NELL2: variants seen among roughly 807,000 people sequenced by gnomAD.
The protein encoded by NELL2 is neural EGFL like 2, also known as protein kinase C-binding protein NELL2.
NELL2 carries 41 observed loss-of-function variants against 109.6 expected under a neutral mutation model. The ratio of observed to expected loss-of-function variants is 0.37; its 90% CI spans 0.29 to 0.49. The LOEUF (loss-of-function observed/expected upper bound fraction) is 0.49. NELL2 is among the 20% of genes least tolerant of loss of function. The pLI is 0.98. For missense variants in NELL2, 900 were observed against 1,008.3 expected (o/e 0.89, Z 1.45); for synonymous variants, 355 against 344.7 (o/e 1.03, Z -0.33).
intron 15 of NELL2, among the ~76,000 whole-genome samples, chr12:44,538,197 C>G (rs1163596228): frequency 1.3e-5 from 2 of 152,146 alleles, no homozygotes; most frequent in Admixed American, 1.3e-4. Context: ...GGTAGGCTGC[C>G]TTTCAAGATC....
chr12:44,637,494 G>T (rs569000671), intron 13 of NELL2, among the ~76,000 whole-genome samples: 8 of 138,758 alleles, frequency 5.8e-5, no homozygotes, highest in African/African-American at 2.1e-4. Context: ...GAAAGAAAAA[G>T]TGTGGGGTAT....
At chr12:44,660,606 C>G (rs1372613399) in intron 13 of NELL2, among the ~76,000 whole-genome samples, 1 of 152,142 alleles carries the variant, frequency 6.6e-6, no homozygotes, top group Non-Finnish European at 1.5e-5. Flanking sequence ...AACCACTACC[C>G]TAAAGGATCA....
chr12:44,798,240 C>A (rs1297076899), intron 3 of NELL2, among the ~76,000 whole-genome samples: 1 of 151,526 alleles, frequency 6.6e-6, no homozygotes, highest in Non-Finnish European at 1.5e-5. Flanking sequence ...ATTTTCAAAT[C>A]TATAAGGTAT....
At chr12:44,825,312 G>A (rs1424752795) in intron 2 of NELL2, among the ~76,000 whole-genome samples, 1 of 151,020 alleles carries the variant, frequency 6.6e-6, no homozygotes, top group African/African-American at 2.4e-5. Context: ...TTTCATTGTA[G>A]AGGTCTTTCA....
intron 15 of NELL2, among the ~76,000 whole-genome samples, chr12:44,588,093 G>T (rs1207204989): frequency 6.6e-6 from 1 of 150,948 alleles, no homozygotes; most frequent in Non-Finnish European, 1.5e-5. Context: ...GGAGGTTGCA[G>T]GGAGGCGGAG....
chr12:44,824,058 C>A (rs1451422038), intron 2 of NELL2, among the ~76,000 whole-genome samples: 5 of 152,078 alleles, frequency 3.3e-5, no homozygotes, highest in Non-Finnish European at 4.4e-5. Context: ...TATTTAGGTT[C>A]TTTGCCCATT....
intron 15 of NELL2, among the ~76,000 whole-genome samples, chr12:44,542,786 A>G (rs1942636829): frequency 1.3e-5 from 2 of 152,200 alleles, no homozygotes; most frequent in African/African-American, 4.8e-5. Flanking sequence ...AAGGAGTTTT[A>G]TATAGAAATC....
intron 1 of NELL2, among the ~76,000 whole-genome samples, chr12:44,895,421 C>A (rs1360835172): frequency 6.6e-6 from 1 of 152,064 alleles, no homozygotes; most frequent in East Asian, 1.9e-4. Context: ...TTTTCTGCTT[C>A]TATTTATATA....
At chr12:44,586,529 T>C (rs1170220455) in intron 15 of NELL2, among the ~76,000 whole-genome samples, 1 of 152,094 alleles carries the variant, frequency 6.6e-6, no homozygotes, top group Non-Finnish European at 1.5e-5. Flanking sequence ...TTTTCGAGTT[T>C]CTCCCACATT....
chr12:44,774,193 T>G (rs1451002408), intron 9 of NELL2, among the ~76,000 whole-genome samples: 2 of 152,210 alleles, frequency 1.3e-5, no homozygotes, highest in African/African-American at 4.8e-5. Context: ...AAAAGTATTT[T>G]CTGACAACCG....
intron 1 of NELL2, among the ~76,000 whole-genome samples, chr12:44,897,624 C>G (rs1287671493): frequency 6.6e-6 from 1 of 152,196 alleles, no homozygotes; most frequent in Non-Finnish European, 1.5e-5. Flanking sequence ...TCAAAACTGG[C>G]AGACCAGGGG....
intron 3 of NELL2, among the ~76,000 whole-genome samples, chr12:44,800,171 G>T (rs918645979): frequency 2.0e-5 from 3 of 152,024 alleles, no homozygotes; most frequent in Non-Finnish European, 2.9e-5. Flanking sequence ...TTTAAAATAT[G>T]GTAAATAAGC....
In NELL2 at chr12:44,603,119, A is replaced by C. The variant is rs142797451; in HGVS notation, c.1663+4050T>G. Among the ~76,000 whole-genome samples, 174 of 152,254 alleles carry C rather than the reference A, an allele frequency of 1.1e-3. 1 individual carries two copies. The highest frequency in any genetic ancestry group is 3.8e-3 in the African/African-American group (159 of 41,576). ...ACAAAAACACTTAGGGGTGCAACTT[A>C]AATTTATATTCATTTAACAACTCAC... On this transcript the variant is annotated intron_variant, in intron 15 of 19. Coordinates refer to ENST00000429094, the MANE Select transcript of NELL2 (RefSeq NM_001145108.2).
At chr12:44,575,676 A>G (rs1944047079) in intron 15 of NELL2, among the ~76,000 whole-genome samples, 1 of 152,210 alleles carries the variant, frequency 6.6e-6, no homozygotes, top group Non-Finnish European at 1.5e-5. Flanking sequence ...GATAATACAT[A>G]TAAAGCACTG....
chr12:44,743,966 G>T (rs1227168115), intron 9 of NELL2, among the ~76,000 whole-genome samples: 1 of 152,056 alleles, frequency 6.6e-6, no homozygotes, highest in Non-Finnish European at 1.5e-5. Context: ...GACATCTACA[G>T]AACTCTCCAC....
upstream of NELL2, among the ~76,000 whole-genome samples, chr12:44,916,273 T>A (rs779133315): frequency 8.6e-5 from 13 of 152,002 alleles, no homozygotes; most frequent in Non-Finnish European, 1.6e-4. Flanking sequence ...AAGAGATAAC[T>A]GAAGTCAAAT....
chr12:44,736,564 T>C (rs1939665844), intron 9 of NELL2, among the ~76,000 whole-genome samples: 1 of 151,484 alleles, frequency 6.6e-6, no homozygotes, highest in Non-Finnish European at 1.5e-5. Flanking sequence ...TGTACATATG[T>C]GCTTTCTTAA....
intron 2 of NELL2, among the ~76,000 whole-genome samples, chr12:44,817,842 C>A (rs556111342): frequency 4.3e-4 from 65 of 152,322 alleles, no homozygotes; most frequent in African/African-American, 1.5e-3. Flanking sequence ...TCCCTCCCCA[C>A]TCTCAACCCT....
intron 3 of NELL2, among the ~76,000 whole-genome samples, chr12:44,792,768 T>C (rs1439838560): frequency 6.6e-6 from 1 of 152,182 alleles, no homozygotes; most frequent in Non-Finnish European, 1.5e-5. Context: ...CTCTGATACA[T>C]GATTTGCAGC....
Sources: allele counts gnomAD v4.1 joint callset (sites outside exome capture counted in the v4.1 genomes callset), GRCh38; gene constraint gnomAD v4.1.1; transcripts MANE v1.5; gene names NCBI Gene and HGNC (gene_info 2026-07-23, HGNC 2026-07-21).